Variants in NT5DC3 observed in about 807,000 individuals in gnomAD.
NT5DC3 encodes 5'-nucleotidase domain containing 3.
In NT5DC3, 42 loss-of-function variants were observed where a neutral mutation model predicts 67.8. The observed-to-expected ratio is 0.62, with a 90% confidence interval of 0.48 to 0.80. The LOEUF is 0.80. Ranked by LOEUF, NT5DC3 falls within the 30% of genes least tolerant of loss-of-function variation. The pLI is 0.00. For missense variants in NT5DC3, 570 were observed against 696.4 expected (o/e 0.82, Z 2.04); for synonymous variants, 237 against 255.6 (o/e 0.93, Z 0.69).
chr12:103,796,180 C>T (rs1012579516), intron 6 of NT5DC3, among the ~76,000 whole-genome samples: 1 of 152,222 alleles, frequency 6.6e-6, no homozygotes, highest in Non-Finnish European at 1.5e-5. Flanking sequence ...ACTACAGTGG[C>T]ACAGGCCCCC....
rs1885721421 is a variant in NT5DC3, at chr12:103,785,419, A to T, written c.1245T>A (p.Ser415=). The change falls in exon 12 of 14, where the codon TCT becomes TCA. Residue 415 remains serine, a synonymous_variant. Transcript: ENST00000392876. Reference sequence around the variant, plus strand: ...GCTCCGTGTTCATGATTTTGAGCTCAGATCTCAACTCTGGGATGATTGCAC... The same window carrying T: ...GCTCCGTGTTCATGATTTTGAGCTCTGATCTCAACTCTGGGATGATTGCAC... The part of the protein sequence containing the change: ...RTGAIIPELR[S]ELKIMNTEQY... 6.2e-7 allele frequency: 1 copy of T among 1,614,118 alleles called. No homozygotes were observed. Among genetic ancestry groups the T allele is most frequent in the African/African-American group, 1.3e-5 (1 of 75,062 alleles).
chr12:103,748,848 C>G, the NT5DC3 span: 3 of 1,089,658 alleles, frequency 2.8e-6, no homozygotes, highest in Non-Finnish European at 3.9e-6. Context: ...CACGAACACG[C>G]AGGGGCCCAT....
the NT5DC3 span, chr12:103,750,473 G>A: frequency 7.0e-7 from 1 of 1,431,114 alleles, no homozygotes; most frequent in East Asian, 2.3e-5. Context: ...CGTTCTCTTG[G>A]TCCATCTGAA....
At chr12:103,748,789 T>C in the NT5DC3 span, among the ~76,000 whole-genome samples, 2 of 151,988 alleles carry the variant, frequency 1.3e-5, no homozygotes, top group African/African-American at 4.8e-5. Context: ...CACAAAAATA[T>C]TCATGTTGCA....
the NT5DC3 span, among the ~76,000 whole-genome samples, chr12:103,749,346 T>C: frequency 2.0e-5 from 3 of 152,140 alleles, no homozygotes; most frequent in Non-Finnish European, 2.9e-5. Flanking sequence ...AGGACGTCCA[T>C]GGAAAACTGG....
intron 12 of NT5DC3, among the ~76,000 whole-genome samples, chr12:103,781,048 G>A (rs897235911): frequency 4.6e-5 from 7 of 152,126 alleles, no homozygotes; most frequent in African/African-American, 1.7e-4. Flanking sequence ...GCATTTTCTG[G>A]TGGGCCAAAA....
intron 4 of NT5DC3, among the ~76,000 whole-genome samples, chr12:103,804,595 T>C (rs940692529): frequency 6.6e-6 from 1 of 152,000 alleles, no homozygotes; most frequent in Non-Finnish European, 1.5e-5. Context: ...ATTTGAATTA[T>C]TGGAAAATAA....
intron 1 of NT5DC3, among the ~76,000 whole-genome samples, chr12:103,817,147 T>C (rs1210158877): frequency 6.6e-6 from 1 of 151,960 alleles, no homozygotes; most frequent in Admixed American, 6.6e-5. Flanking sequence ...CTAATGATGA[T>C]GGAGAAACTG....
rs781695663 is a variant in NT5DC3, at chr12:103,778,064, A to G, written c.1412T>C (p.Phe471Ser). Residue 471 changes from phenylalanine to serine, a missense_variant, in exon 14 of 14, where the codon TTC (phenylalanine) becomes TCC (serine). By Grantham distance (155) the Phe-to-Ser change is radical. Around this residue, in one of 2 missense-constraint regions of NT5DC3, gnomAD observed 466 missense variants for 608.0 expected, o/e 0.77. Coordinates refer to ENST00000392876, the MANE Select transcript of NT5DC3 (RefSeq NM_001031701.3). ...RKEMREMTKSFFNAQFGSLFR... is the reference protein window; with the variant it reads ...RKEMREMTKSSFNAQFGSLFR... ...CAGGCTTCCAAACTGGGCATTGAAGAAACTCTTGGTCATTTCTCTGAAGAG... is the reference window on the plus strand; with the variant it reads ...CAGGCTTCCAAACTGGGCATTGAAGGAACTCTTGGTCATTTCTCTGAAGAG... 10 of 1,612,732 alleles carry G rather than the reference A, an allele frequency of 6.2e-6. No homozygotes were observed. The highest frequency in any genetic ancestry group is 8.5e-6 in the Non-Finnish European group (10 of 1,179,246).
chr12:103,783,911 C>A (rs988490637), intron 12 of NT5DC3, among the ~76,000 whole-genome samples: 17 of 152,100 alleles, frequency 1.1e-4, no homozygotes, highest in Admixed American at 2.0e-4. Flanking sequence ...GTGAGTCAAG[C>A]CTTGCCTATA....
intron 1 of NT5DC3, among the ~76,000 whole-genome samples, chr12:103,840,094 C>T (rs1358547582): frequency 6.6e-6 from 1 of 152,192 alleles, no homozygotes; most frequent in Non-Finnish European, 1.5e-5. Context: ...TAAATTCAGG[C>T]GTCACCTTGG....
chr12:103,766,565 TTC>T, downstream of NT5DC3: 1 of 520,070 alleles, frequency 1.9e-6, no homozygotes, highest in Non-Finnish European at 3.5e-6. Context: ...CTTTGTACTC[TTC>T]AGCTGGCACC....
the NT5DC3 span, chr12:103,759,242 T>G: frequency 6.2e-7 from 1 of 1,614,168 alleles, no homozygotes; most frequent in South Asian, 1.1e-5. Context: ...AGCAAGCTGC[T>G]CATCACTGCC....
At chr12:103,812,369 T>C (rs1213268066) in intron 2 of NT5DC3, among the ~76,000 whole-genome samples, 2 of 152,224 alleles carry the variant, frequency 1.3e-5, no homozygotes, top group African/African-American at 2.4e-5. Flanking sequence ...TAACTGACTC[T>C]ACTAATATGC....
chr12:103,781,507 C>T (rs1405645878), intron 12 of NT5DC3, among the ~76,000 whole-genome samples: 2 of 152,232 alleles, frequency 1.3e-5, no homozygotes, highest in African/African-American at 4.8e-5. Flanking sequence ...CTGCTGGCTG[C>T]CCTGCCATGA....
intron 1 of NT5DC3, among the ~76,000 whole-genome samples, chr12:103,824,190 G>A (rs952725997): frequency 2.0e-5 from 3 of 152,226 alleles, no homozygotes; most frequent in African/African-American, 7.2e-5. Context: ...AATAGAAAGT[G>A]TGACTTTGAA....
chr12:103,823,380 G>A (rs1021814439), intron 1 of NT5DC3, among the ~76,000 whole-genome samples: 28 of 152,184 alleles, frequency 1.8e-4, no homozygotes, highest in Non-Finnish European at 3.5e-4. Context: ...AGAAGTACAC[G>A]ACCTCACTTA....
chr12:103,833,280 T>C (rs1888008050), intron 1 of NT5DC3, among the ~76,000 whole-genome samples: 1 of 152,200 alleles, frequency 6.6e-6, no homozygotes, highest in African/African-American at 2.4e-5. Context: ...CAAAGAAGCT[T>C]CTTTAACATG....
In NT5DC3 at chr12:103,838,693, T is replaced by C. The variant is rs1329447968; in HGVS notation, c.208+2256A>G. On this transcript the variant is annotated intron_variant, in intron 1 of 13. Coordinates refer to ENST00000392876, the MANE Select transcript of NT5DC3 (RefSeq NM_001031701.3). ...AGCAACCCAAATGTCCTTTGAACTA[T>C]GGGTAAATGGTTCAATAGAGTTAAT... Among the ~76,000 whole-genome samples, 3 of 152,224 alleles carry C rather than the reference T, an allele frequency of 2.0e-5. No homozygotes were observed. The East Asian group carries it at 5.8e-4, about 29-fold the overall frequency.
Sources: allele counts gnomAD v4.1 joint callset (sites outside exome capture counted in the v4.1 genomes callset), GRCh38; gene constraint gnomAD v4.1.1; regional missense constraint gnomAD v4.1.1; transcripts MANE v1.5; gene names NCBI Gene and HGNC (gene_info 2026-07-23, HGNC 2026-07-21).